MGAT5: variants seen among roughly 807,000 people sequenced by gnomAD.
The protein encoded by MGAT5 is alpha-1,6-mannosylglycoprotein 6-beta-N-acetylglucosaminyltransferase.
In MGAT5, 30 loss-of-function variants were observed where a neutral mutation model predicts 94.3. That is an observed-to-expected ratio of 0.32 (90% CI 0.24 to 0.43). The LOEUF is 0.43. Among genes scored for constraint, MGAT5 ranks in the 20% least tolerant of loss-of-function variants. MGAT5 has a pLI of 1.00. For synonymous variants in MGAT5, 310 were observed against 322.9 expected, an observed-to-expected ratio of 0.96 and a Z score of 0.43; for missense variants, 691 against 905.5, an observed-to-expected ratio of 0.76 and a Z score of 3.04.
At chr2:134,410,043 T>C (rs1276979378) in intron 11 of MGAT5, among the ~76,000 whole-genome samples, 1 of 152,210 alleles carries the variant, frequency 6.6e-6, no homozygotes, top group East Asian at 1.9e-4. Context: ...AAGTAAAATA[T>C]GGCCAGTTTT....
rs996196859 is a variant in MGAT5 at position 134,453,824 on chromosome 2, A to C, written c.*4977A>C. The C allele has an allele frequency of 1.3e-5, 2 of 152,192 alleles. No homozygotes were observed. Among genetic ancestry groups the C allele is most frequent in the African/African-American group, 4.8e-5 (2 of 41,440 alleles). 9.4% of individuals were successfully genotyped at this position (152,192 alleles called of 1,614,324 possible). A position where few individuals can be genotyped will look rare whatever the true frequency, so the allele number is the denominator to read the frequency against. ...GACTGAATGTTTTCCCAAATCACCT[A>C]AATATCGGTTTGCTTTTTGTTTTGG... On this transcript the variant is annotated 3_prime_UTR_variant, in exon 16 of 16. Transcript: ENST00000281923.
At chr2:134,365,610 C>T (rs997603041) in intron 10 of MGAT5, among the ~76,000 whole-genome samples, 1 of 152,052 alleles carries the variant, frequency 6.6e-6, no homozygotes, top group African/African-American at 2.4e-5. Flanking sequence ...GGAGAGGCAC[C>T]ACCCTGACAG....
intron 2 of MGAT5, among the ~76,000 whole-genome samples, chr2:134,281,287 C>T (rs1279621774): frequency 3.9e-5 from 6 of 152,160 alleles, no homozygotes; most frequent in African/African-American, 1.2e-4. Context: ...ACAAACATAA[C>T]GTGGCAAACA....
intron 10 of MGAT5, among the ~76,000 whole-genome samples, chr2:134,399,948 TC>T (rs1682940433): frequency 6.6e-6 from 1 of 152,172 alleles, no homozygotes; most frequent in Non-Finnish European, 1.5e-5. Context: ...ATTTTAAAAA[TC>T]CTGAATATCC....
At chr2:134,439,033 C>T (rs1311218738) in intron 14 of MGAT5, among the ~76,000 whole-genome samples, 6 of 152,166 alleles carry the variant, frequency 3.9e-5, no homozygotes, top group African/African-American at 1.4e-4. Flanking sequence ...CATAGGAACA[C>T]ATGAGTGGAG....
Position 134,441,806 on chromosome 2 carries a change from G to A in MGAT5, c.1918G>A (p.Val640Ile), listed in dbSNP as rs1685501636. 2.5e-6 allele frequency: 4 copies of A among 1,614,112 alleles called. No individual in the cohort carries two copies. Among genetic ancestry groups the A allele is most frequent in the South Asian group, 1.1e-5 (1 of 91,084 alleles). The change falls in exon 15 of 16, where the codon GTC becomes ATC. Residue 640 changes from valine to isoleucine, a missense_variant. Coordinates refer to ENST00000281923, the MANE Select transcript of MGAT5 (RefSeq NM_002410.5). Reference sequence around the variant, plus strand: ...GTGGCCACCCCTCAGCGCCCTACAGGTCAAGCTTGCTGAGCCCGGGCAGTC... The same window carrying A: ...GTGGCCACCCCTCAGCGCCCTACAGATCAAGCTTGCTGAGCCCGGGCAGTC... Reference protein sequence around the residue: ...VMWPPLSALQVKLAEPGQSCK... With the variant: ...VMWPPLSALQIKLAEPGQSCK...
intron 1 of MGAT5, among the ~76,000 whole-genome samples, chr2:134,247,306 G>C (rs1005399172): frequency 6.7e-6 from 1 of 148,842 alleles, no homozygotes; most frequent in Non-Finnish European, 1.5e-5. Flanking sequence ...ATTTAATTAG[G>C]GTAGTGCTTT....
chr2:134,156,947 C>G (rs1176361052), intron 1 of MGAT5, among the ~76,000 whole-genome samples: 1 of 152,122 alleles, frequency 6.6e-6, no homozygotes, highest in African/African-American at 2.4e-5. Flanking sequence ...GTTTCTCGTT[C>G]TATAAATTGG....
chr2:134,384,146 G>A (rs1307332034), intron 10 of MGAT5, among the ~76,000 whole-genome samples: 1 of 151,312 alleles, frequency 6.6e-6, no homozygotes, highest in Non-Finnish European at 1.5e-5. Flanking sequence ...TTGAGCATCA[G>A]TGGTAGAGTT....
chr2:134,213,931 A>G (rs1345885793), intron 1 of MGAT5, among the ~76,000 whole-genome samples: 1 of 152,066 alleles, frequency 6.6e-6, no homozygotes, highest in African/African-American at 2.4e-5. Context: ...GATTAAATCA[A>G]TGTCCACCCT....
chr2:134,422,486 G>A (rs1684355643), intron 12 of MGAT5, among the ~76,000 whole-genome samples: 1 of 152,100 alleles, frequency 6.6e-6, no homozygotes, highest in African/African-American at 2.4e-5. Flanking sequence ...TCTAGTAATA[G>A]GTGATTTTCG....
intron 1 of MGAT5, among the ~76,000 whole-genome samples, chr2:134,157,321 G>A (rs1486773591): frequency 6.6e-6 from 1 of 152,124 alleles, no homozygotes; most frequent in Admixed American, 6.5e-5. Flanking sequence ...TACTATCTTT[G>A]CAACTTTTCT....
chr2:134,395,692 A>G lies in MGAT5; in HGVS notation c.1381-7296A>G, dbSNP rs75156841. 1.2e-3 allele frequency among the ~76,000 whole-genome samples: 190 copies of G among 152,352 alleles called. 2 individuals carry two copies. In the East Asian group the frequency reaches 0.033, roughly 26 times the overall value. Reference sequence around the variant, plus strand: ...TGAGACATTTGCCATCAAGTTGCAAATACAGGACCATTGCTCTTTCCGTAC... The same window carrying G: ...TGAGACATTTGCCATCAAGTTGCAAGTACAGGACCATTGCTCTTTCCGTAC... On this transcript the variant is annotated intron_variant, in intron 10 of 15. Coordinates refer to ENST00000281923, the MANE Select transcript of MGAT5 (RefSeq NM_002410.5).
At chr2:134,328,266 C>T (rs1309943029) in intron 4 of MGAT5, among the ~76,000 whole-genome samples, 1 of 152,042 alleles carries the variant, frequency 6.6e-6, no homozygotes, top group Non-Finnish European at 1.5e-5. Flanking sequence ...TCATGGATCC[C>T]TCTGGCCCTG....
intron 1 of MGAT5, among the ~76,000 whole-genome samples, chr2:134,226,447 C>T (rs1471567548): frequency 6.6e-6 from 1 of 152,164 alleles, no homozygotes; most frequent in Non-Finnish European, 1.5e-5. Context: ...TTCTATATTT[C>T]TCTCTGCTTG....
chr2:134,363,969 C>T (rs1680260570), intron 10 of MGAT5, among the ~76,000 whole-genome samples: 1 of 152,166 alleles, frequency 6.6e-6, no homozygotes, highest in African/African-American at 2.4e-5. Flanking sequence ...AGGACTGTGG[C>T]TTTTAAAGAA....
At chr2:134,404,122 G>T (rs535520340) in intron 11 of MGAT5, among the ~76,000 whole-genome samples, 1 of 152,330 alleles carries the variant, frequency 6.6e-6, no homozygotes, top group Non-Finnish European at 1.5e-5. Flanking sequence ...TTATTGAGTA[G>T]CTGCAATGTG....
rs561382200 is a variant in MGAT5 at position 134,372,495 on chromosome 2, A to G, written c.1380+10087A>G. ...GCACTGTCTCGTAGCCTCTTGAAGC[A>G]TGTGTCTATTTTACAGGTGATAAAG... is the stretch of plus-strand genomic sequence containing the variant. On this transcript the variant is annotated intron_variant, in intron 10 of 15. Transcript: ENST00000281923. Among the ~76,000 whole-genome samples the G allele has an allele frequency of 1.4e-4, 21 of 152,324 alleles. 1 individual carries two copies. In the East Asian group the frequency reaches 3.9e-3, roughly 28 times the overall value.
intron 2 of MGAT5, among the ~76,000 whole-genome samples, chr2:134,273,073 G>A (rs141338574): frequency 7.3e-4 from 111 of 152,262 alleles, no homozygotes; most frequent in African/African-American, 2.6e-3. Context: ...CATAGACACT[G>A]TCTTGGCCAA....
Sources: gnomAD v4.1 joint callset for allele counts (sites outside exome capture counted in the v4.1 genomes callset) on GRCh38, gnomAD v4.1.1 for gene constraint, MANE v1.5 for transcripts, NCBI Gene and HGNC (gene_info 2026-07-23, HGNC 2026-07-21) for gene names.